The following RYR3 variants were observed in gnomAD, a reference collection of about 807,000 sequenced individuals.
The protein encoded by RYR3 is brain ryanodine receptor-calcium release channel.
A neutral mutation model predicts 584.3 loss-of-function variants in RYR3; 207 were observed. That is an observed-to-expected ratio of 0.35 (90% confidence interval 0.32 to 0.40). RYR3 has a LOEUF of 0.40. Among genes scored for constraint, RYR3 ranks in the 10% least tolerant of loss-of-function variants. The pLI is 1.00. For synonymous variants in RYR3, 2,416 were observed against 2,248.5 expected, an observed-to-expected ratio of 1.07 and a Z score of -2.11; for missense variants, 5,616 against 6,089.2, an observed-to-expected ratio of 0.92 and a Z score of 2.59.
chr15:33,345,102 T>G (rs1237158966), intron 1 of RYR3, among the ~76,000 whole-genome samples: 1 of 152,160 alleles, frequency 6.6e-6, no homozygotes, highest in East Asian at 1.9e-4. Flanking sequence ...CTTTTCTTTT[T>G]CTTTTTTTTG....
In RYR3 at chr15:33,865,128, C is replaced by T; in HGVS notation, c.14518-3C>T. ...TAAGCACCCGTTGTTCATATTATTT[C>T]AGGAATCTTATGTCTGGAAGATGTA... On this transcript the variant is annotated splice_region_variant and splice_polypyrimidine_tract_variant and intron_variant, in intron 103 of 103. Coordinates refer to ENST00000634891, the MANE Select transcript of RYR3 (RefSeq NM_001036.6). 1 of 1,609,834 alleles carries T rather than the reference C, an allele frequency of 6.2e-7. No homozygotes were observed. The highest frequency in any genetic ancestry group is 8.5e-7 in the Non-Finnish European group (1 of 1,176,910).
intron 21 of RYR3, 64 bp from the exon 22 acceptor site, chr15:33,629,876 G>T (rs1230805812): frequency 5.9e-6 from 5 of 853,992 alleles, no homozygotes; most frequent in Non-Finnish European, 9.4e-6. Context: ...GTTCTGTTCT[G>T]TTTTCCCATG....
At chr15:33,586,940 G>A (rs1191813586) in intron 16 of RYR3, among the ~76,000 whole-genome samples, 1 of 152,090 alleles carries the variant, frequency 6.6e-6, no homozygotes. Flanking sequence ...TGGCATGATG[G>A]GACATGTGGG....
chr15:33,406,568 T>A (rs2043033523), intron 1 of RYR3, among the ~76,000 whole-genome samples: 2 of 152,194 alleles, frequency 1.3e-5, no homozygotes, highest in African/African-American at 4.8e-5. Flanking sequence ...CATGAAACAG[T>A]GGTCTCTATT....
intron 1 of RYR3, among the ~76,000 whole-genome samples, chr15:33,332,816 G>GA (rs1003790191): frequency 2.0e-5 from 3 of 151,902 alleles, no homozygotes; most frequent in African/African-American, 4.8e-5. Context: ...GCAATACTTA[G>GA]AAAAAAATCT....
rs755682132 is a variant in RYR3 at position 33,768,719 on chromosome 15, G to C, written c.8755+12G>C. 6 of 1,612,976 alleles carry C rather than the reference G, an allele frequency of 3.7e-6. No homozygotes were observed. The East Asian group carries it at 1.3e-4, about 36-fold the overall frequency. On this transcript the variant is annotated intron_variant, in intron 61 of 103. Transcript: ENST00000634891. Reference sequence around the variant, plus strand: ...AATTTCCCTCTTTGGTAAGTGAAGTGTTGCTCAAGGTACCGCTCCTCCCTG... The same window carrying C: ...AATTTCCCTCTTTGGTAAGTGAAGTCTTGCTCAAGGTACCGCTCCTCCCTG...
At chr15:33,751,708 T>C (rs2071335230) in intron 57 of RYR3, among the ~76,000 whole-genome samples, 1 of 152,212 alleles carries the variant, frequency 6.6e-6, no homozygotes, top group Non-Finnish European at 1.5e-5. Context: ...GTAGTTTCTT[T>C]TGCTATGCAG....
rs568562876 is a variant in RYR3 at position 33,328,857 on chromosome 15, A to G, written c.51+17761A>G. 4.6e-5 allele frequency among the ~76,000 whole-genome samples: 7 copies of G among 151,830 alleles called. No individual in the cohort carries two copies. In the East Asian group the frequency reaches 1.4e-3, roughly 29 times the overall value. On this transcript the variant is annotated intron_variant, in intron 1 of 103. Transcript: ENST00000634891. The stretch of plus-strand genomic sequence containing the variant: ...CCTTCATCCTTTGCTTACTTTTTCT[A>G]GCTTGTGGTTTTATTTTCCTCTTTC...
chr15:33,814,907 A>G (rs1157453497), intron 74 of RYR3, among the ~76,000 whole-genome samples: 1 of 150,344 alleles, frequency 6.7e-6, no homozygotes, highest in African/African-American at 2.5e-5. Flanking sequence ...TCTCAAAAAA[A>G]AAAAAAAAAA....
chr15:33,631,265 G>A lies in RYR3; in HGVS notation c.2839G>A (p.Asp947Asn), dbSNP rs2061251817. ...TCATGTTAACCCAGCTGCTGAGGAG[G>A]ATCTCAAGAAGGTCAAACTGCCCAA... ...IAHVNPAAEE[D>N]LKKVKLPKNY... Residue 947 changes from aspartate to asparagine, a missense_variant, in exon 23 of 104, where the codon GAT (aspartate) becomes AAT (asparagine). Asp to Asn is a conservative substitution (Grantham distance 23). Around this residue, in one of 9 missense-constraint regions of RYR3, gnomAD observed 1,284 missense variants for 1,344.6 expected, o/e 0.95. Coordinates refer to ENST00000634891, the MANE Select transcript of RYR3 (RefSeq NM_001036.6). 1 of 1,589,130 alleles carries A rather than the reference G, an allele frequency of 6.3e-7. No individual in the cohort carries two copies. Among genetic ancestry groups the A allele is most frequent in the Non-Finnish European group, 8.6e-7 (1 of 1,166,818 alleles).
At chr15:33,582,219 G>A (rs2058629849) in intron 14 of RYR3, among the ~76,000 whole-genome samples, 1 of 152,166 alleles carries the variant, frequency 6.6e-6, no homozygotes, top group African/African-American at 2.4e-5. Context: ...CCGCCTATGG[G>A]TGGGAGGCAG....
chr15:33,821,410 C>T (rs770172398), intron 79 of RYR3, 41 bp downstream of exon 79: 8 of 1,583,004 alleles, frequency 5.1e-6, no homozygotes, highest in Non-Finnish European at 6.9e-6. Context: ...GTAACTTCCA[C>T]AAAGATATCA....
chr15:33,634,987 AG>A (rs1467278232), intron 25 of RYR3, among the ~76,000 whole-genome samples: 1 of 152,204 alleles, frequency 6.6e-6, no homozygotes, highest in Non-Finnish European at 1.5e-5. Context: ...GTTATCTTCT[AG>A]GGTAGCTGAG....
At chr15:33,554,991 T>G (rs955849448) in intron 10 of RYR3, among the ~76,000 whole-genome samples, 9 of 152,226 alleles carry the variant, frequency 5.9e-5, no homozygotes, top group African/African-American at 2.2e-4. Flanking sequence ...CCATACATCT[T>G]GAATGATTGG....
chr15:33,779,794 A>G (rs950784666), intron 64 of RYR3, among the ~76,000 whole-genome samples: 1 of 152,040 alleles, frequency 6.6e-6, no homozygotes, highest in African/African-American at 2.4e-5. Context: ...CAAGGTCAGG[A>G]GATCGAGACC....
rs1970979701 is a variant in RYR3, at chr15:33,336,428, AAG to A, written c.51+25334_51+25335del. Among the ~76,000 whole-genome samples the A allele has an allele frequency of 9.8e-5, 2 of 20,496 alleles. 1 individual carries two copies. The highest frequency in any genetic ancestry group is 1.1e-3 in the African/African-American group (2 of 1,882). 13.4% of individuals were successfully genotyped at this position (20,496 alleles called of 152,430 possible). On this transcript the variant is annotated intron_variant, in intron 1 of 103. Coordinates refer to ENST00000634891, the MANE Select transcript of RYR3 (RefSeq NM_001036.6). ...GCGACAGAGCGAGACGAAAGAAAGA[AAG>A]AAAGAAAGAAAGAGAGAGAGAGAGA... is the stretch of plus-strand genomic sequence containing the variant.
chr15:33,813,447 C>T lies in RYR3; in HGVS notation c.10390-20C>T. The T allele has an allele frequency of 6.3e-7, 1 of 1,598,012 alleles. No homozygotes were observed. Among genetic ancestry groups the T allele is most frequent in the Non-Finnish European group, 8.6e-7 (1 of 1,165,926 alleles). On this transcript the variant is annotated intron_variant, in intron 73 of 103. Coordinates refer to ENST00000634891, the MANE Select transcript of RYR3 (RefSeq NM_001036.6). ...AGAAGATCAGCCTAATGTGCACCAACCGATGTGATCTCTTCTCAGGTGGAA... is the reference window on the plus strand; with the variant it reads ...AGAAGATCAGCCTAATGTGCACCAATCGATGTGATCTCTTCTCAGGTGGAA...
At chr15:33,809,781 A>G (rs192766964) in intron 70 of RYR3, among the ~76,000 whole-genome samples, 48 of 152,124 alleles carry the variant, frequency 3.2e-4, no homozygotes, top group Non-Finnish European at 6.6e-4. Context: ...GATTACAGGC[A>G]TGCGCCACCG....
intron 1 of RYR3, among the ~76,000 whole-genome samples, chr15:33,414,053 A>G (rs764812751): frequency 6.6e-5 from 10 of 152,224 alleles, no homozygotes; most frequent in Non-Finnish European, 1.5e-4. Flanking sequence ...TGTATATCAA[A>G]TTACCTAATG....
Sources: gnomAD v4.1 joint callset for allele counts (sites outside exome capture counted in the v4.1 genomes callset) on GRCh38, gnomAD v4.1.1 for gene constraint, gnomAD v4.1.1 regional missense constraint, MANE v1.5 for transcripts, NCBI Gene and HGNC (gene_info 2026-07-23, HGNC 2026-07-21) for gene names.